Variants in PTPN20 observed in about 807,000 individuals in gnomAD.
PTPN20 encodes the protein protein tyrosine phosphatase non-receptor type 20, also known as tyrosine-protein phosphatase non-receptor type 20.
PTPN20 carries 9 observed loss-of-function variants against 35.0 expected under a neutral mutation model. The observed-to-expected ratio is 0.26, with a 90% confidence interval of 0.15 to 0.45. The LOEUF (loss-of-function observed/expected upper bound fraction) is 0.45. Ranked by LOEUF, PTPN20 falls within the 20% of genes least tolerant of loss-of-function variation. PTPN20 has a pLI of 1.00. For missense variants in PTPN20, 111 were observed against 312.5 expected (o/e 0.36, Z 4.86); for synonymous variants, 32 against 100.2 (o/e 0.32, Z 4.06).
intron 9 of PTPN20, among the ~76,000 whole-genome samples, chr10:46,996,636 C>T (rs1326229434): frequency 6.6e-6 from 1 of 152,032 alleles, no homozygotes; most frequent in Admixed American, 6.6e-5. Context: ...CATTTAAGTC[C>T]ATAGTCCATT....
chr10:46,942,008 A>G (rs1278189848), intron 3 of PTPN20, among the ~76,000 whole-genome samples: 5 of 38,322 alleles, frequency 1.3e-4, no homozygotes, highest in African/African-American at 7.3e-4. Context: ...GAGACAGGCT[A>G]ATTTATTTTT....
chr10:46,919,481 CCTT>C (rs1438354175), intron 1 of PTPN20, among the ~76,000 whole-genome samples: 21 of 132,886 alleles, frequency 1.6e-4, no homozygotes, highest in Non-Finnish European at 3.2e-4. Context: ...TGCTTCTTCT[CCTT>C]CTTTTTATTC....
intron 9 of PTPN20, among the ~76,000 whole-genome samples, chr10:46,996,684 T>C (rs2059153233): frequency 6.6e-6 from 1 of 152,182 alleles, no homozygotes. Flanking sequence ...TGAAGATTCA[T>C]TTTTTGGCCT....
chr10:46,937,122 CT>C (rs2041907888), intron 2 of PTPN20, among the ~76,000 whole-genome samples: 1 of 148,336 alleles, frequency 6.7e-6, no homozygotes, highest in African/African-American at 2.5e-5. Context: ...CTACAGAAGT[CT>C]TATTTTTTGA....
At chr10:46,946,937 T>A in intron 5 of PTPN20, 1 of 408,284 alleles carries the variant, frequency 2.4e-6, no homozygotes, top group Non-Finnish European at 4.2e-6. Flanking sequence ...TCCATTTTTT[T>A]AAAGCTAGGT....
Position 47,001,183 on chromosome 10 carries a change from CAG to C in PTPN20, c.*444_*445del, listed in dbSNP as rs1400362491. 1 of 201,320 alleles carries C rather than the reference CAG, an allele frequency of 5.0e-6. No individual in the cohort carries two copies. Among genetic ancestry groups the C allele is most frequent in the Admixed American group, 5.3e-5 (1 of 18,982 alleles). 12.5% of individuals were successfully genotyped at this position (201,320 alleles called of 1,614,324 possible). On this transcript the variant is annotated 3_prime_UTR_variant, in exon 11 of 11. Transcript: ENST00000374339. ...TGACCTCTTCCAGGCATTTTTAAGA[CAG>C]ATGTCTATTCATGTTCTTTAGCTAG...
intron 7 of PTPN20, among the ~76,000 whole-genome samples, chr10:46,979,060 A>G (rs1276618876): frequency 6.6e-6 from 1 of 151,992 alleles, no homozygotes; most frequent in African/African-American, 2.4e-5. Flanking sequence ...AACACCTTGA[A>G]TGAAAGGGAG....
chr10:46,999,838 C>T (rs1254727271), intron 9 of PTPN20, 74 bp from the exon 10 acceptor site: 3 of 1,536,532 alleles, frequency 2.0e-6, no homozygotes, highest in Non-Finnish European at 2.7e-6. Context: ...ATCTCTTTCA[C>T]CCTTTTTGGC....
intron 9 of PTPN20, among the ~76,000 whole-genome samples, chr10:46,992,334 G>A (rs2058143541): frequency 1.3e-5 from 2 of 151,930 alleles, no homozygotes; most frequent in Admixed American, 1.3e-4. Context: ...TGTTGGCCAG[G>A]CAGGTCTCAA....
chr10:46,997,966 G>A (rs2138006666), intron 9 of PTPN20, among the ~76,000 whole-genome samples: 1 of 152,284 alleles, frequency 6.6e-6, no homozygotes, highest in African/African-American at 2.4e-5. Context: ...TGAAGATTTG[G>A]AGAAACTGTA....
intron 6 of PTPN20, among the ~76,000 whole-genome samples, chr10:46,965,895 T>TG (rs1462055123): frequency 3.0e-5 from 1 of 33,200 alleles, no homozygotes; most frequent in African/African-American, 5.0e-4. Flanking sequence ...TGCCCCATTT[T>TG]CCTTTTTTTT....
At chr10:46,991,831 C>T (rs1283783124) in intron 9 of PTPN20, among the ~76,000 whole-genome samples, 13 of 152,002 alleles carry the variant, frequency 8.6e-5, no homozygotes, top group Non-Finnish European at 1.9e-4. Flanking sequence ...AGTAAGCTGA[C>T]CTTTCTCTCT....
intron 8 of PTPN20, among the ~76,000 whole-genome samples, chr10:46,986,527 AG>A (rs1433387744): frequency 8.3e-6 from 1 of 120,144 alleles, no homozygotes; most frequent in Non-Finnish European, 1.7e-5. Context: ...CACTGAGGAA[AG>A]GGTCATGATC....
Position 46,947,212 on chromosome 10 carries a change from GTATATATA to G in PTPN20, c.340+553_340+560del, listed in dbSNP as rs1163672605. Among the ~76,000 whole-genome samples the G allele has an allele frequency of 1.5e-5, 2 of 129,846 alleles. 1 individual carries two copies. The highest frequency in any genetic ancestry group is 5.4e-4 in the East Asian group (2 of 3,690). The allele number at this position is 129,846 out of a possible 152,430, so 85.2% of individuals were successfully genotyped here. ...ATATACTTAACATATATGTGTATGT[GTATATATA>G]TATATATATATATATTTATAAAATT... On this transcript the variant is annotated intron_variant, in intron 5 of 10. Transcript: ENST00000374339.
At chr10:46,983,065 CTTTTTTTTTTTTT>C (rs74898545) in intron 7 of PTPN20, among the ~76,000 whole-genome samples, 1 of 101,942 alleles carries the variant, frequency 9.8e-6, no homozygotes, top group Non-Finnish European at 2.0e-5. Context: ...ATATATCTAG[CTTTTTTTTTTTTT>C]TTTTTTTTGT....
intron 1 of PTPN20, among the ~76,000 whole-genome samples, chr10:46,930,819 T>C (rs2039346822): frequency 7.1e-6 from 1 of 140,466 alleles, no homozygotes; most frequent in South Asian, 2.3e-4. Context: ...CAGGCTGCCC[T>C]CGAACTCTTG....
At chr10:46,957,474 G>T (rs2048737323) in intron 5 of PTPN20, among the ~76,000 whole-genome samples, 1 of 151,908 alleles carries the variant, frequency 6.6e-6, no homozygotes. Context: ...GGTGGCTCAT[G>T]CCAGTAATCT....
chr10:46,929,303 A>C (rs1461970742), intron 1 of PTPN20, among the ~76,000 whole-genome samples: 2 of 132,764 alleles, frequency 1.5e-5, no homozygotes, highest in African/African-American at 6.3e-5. Flanking sequence ...TCAGTGCTCT[A>C]TCACAGAATA....
chr10:46,960,713 A>G (rs2049769095), intron 5 of PTPN20, among the ~76,000 whole-genome samples: 1 of 152,162 alleles, frequency 6.6e-6, no homozygotes, highest in Admixed American at 6.5e-5. Context: ...TGTACTCTAT[A>G]ATTTTTTGGT....
Sources: allele counts gnomAD v4.1 joint callset (sites outside exome capture counted in the v4.1 genomes callset), GRCh38; gene constraint gnomAD v4.1.1; transcripts MANE v1.5; gene names NCBI Gene and HGNC (gene_info 2026-07-23, HGNC 2026-07-21).